The following SRGAP3 variants were observed in gnomAD, a reference collection of about 807,000 sequenced individuals.
SRGAP3 encodes SLIT-ROBO Rho GTPase activating protein 3, also known as SLIT-ROBO Rho GTPase-activating protein 3.
In SRGAP3, 39 loss-of-function variants were observed where a neutral mutation model predicts 121.1. The ratio of observed to expected loss-of-function variants is 0.32; its 90% confidence interval spans 0.25 to 0.42. SRGAP3 has a LOEUF of 0.42. Among genes scored for constraint, SRGAP3 ranks in the 10% least tolerant of loss-of-function variants. SRGAP3 has a pLI of 1.00. For synonymous variants in SRGAP3, 601 were observed against 570.0 expected (o/e 1.05, Z -0.77); for missense variants, 1,213 against 1,470.6 (o/e 0.82, Z 2.86).
chr3:9,031,101 C>T (rs1398923368), intron 12 of SRGAP3, among the ~76,000 whole-genome samples: 1 of 152,162 alleles, frequency 6.6e-6, no homozygotes, highest in African/African-American at 2.4e-5. Context: ...AAGTGTGAGC[C>T]ACTGCGCCTA....
intron 3 of SRGAP3, among the ~76,000 whole-genome samples, chr3:9,295,893 A>C (rs1021608978): frequency 6.6e-6 from 1 of 152,206 alleles, no homozygotes; most frequent in Admixed American, 6.5e-5. Flanking sequence ...AATCATATAC[A>C]TATACCCTTT....
At chr3:9,149,242 AAAG>A (rs1210607504) in intron 1 of SRGAP3, among the ~76,000 whole-genome samples, 1 of 151,836 alleles carries the variant, frequency 6.6e-6, no homozygotes, top group Non-Finnish European at 1.5e-5. Flanking sequence ...GAAAAGAAAA[AAAG>A]AAACCTGAAG....
chr3:9,191,124 G>A (rs142811868), intron 1 of SRGAP3, among the ~76,000 whole-genome samples: 381 of 152,278 alleles, frequency 2.5e-3, no homozygotes, highest in Middle Eastern at 6.8e-3. Flanking sequence ...AGTCTCTGGA[G>A]ACTGGGAGAG....
At chr3:9,223,294 G>T (rs959053228) in intron 1 of SRGAP3, among the ~76,000 whole-genome samples, 8 of 152,140 alleles carry the variant, frequency 5.3e-5, no homozygotes, top group African/African-American at 1.7e-4. Flanking sequence ...TTATCACCTG[G>T]TTTTTACAGG....
chr3:9,052,041 C>A (rs1434630828), intron 9 of SRGAP3, among the ~76,000 whole-genome samples: 1 of 152,182 alleles, frequency 6.6e-6, no homozygotes, highest in Non-Finnish European at 1.5e-5. Flanking sequence ...GTTGGGCATA[C>A]CACTGCTCGG....
At chr3:9,202,077 C>T (rs558700250) in intron 1 of SRGAP3, among the ~76,000 whole-genome samples, 11 of 145,768 alleles carry the variant, frequency 7.5e-5, no homozygotes, top group East Asian at 6.1e-4. Flanking sequence ...GGAAGGGAGG[C>T]GGGGGAAGGG....
chr3:9,190,305 A>G (rs984849333), intron 1 of SRGAP3, among the ~76,000 whole-genome samples: 2 of 152,242 alleles, frequency 1.3e-5, no homozygotes, highest in Non-Finnish European at 2.9e-5. Context: ...CCTAGTTACC[A>G]TGACAGGAAG....
At chr3:9,038,285 G>T (rs1944861286) in intron 10 of SRGAP3, among the ~76,000 whole-genome samples, 195 bp from the exon 11 acceptor site, 1 of 152,134 alleles carries the variant, frequency 6.6e-6, no homozygotes, top group African/African-American at 2.4e-5. Context: ...TGTTTGTAGG[G>T]CTGTGTTCAC....
chr3:9,037,938 G>C (rs1232848038), intron 11 of SRGAP3, 125 bp downstream of exon 11: 2 of 1,300,992 alleles, frequency 1.5e-6, no homozygotes, highest in Non-Finnish European at 2.2e-6. Context: ...CACCCACACC[G>C]GCCCTTGGGG....
intron 1 of SRGAP3, among the ~76,000 whole-genome samples, chr3:9,247,389 C>T (rs1296981923): frequency 6.6e-6 from 1 of 152,190 alleles, no homozygotes; most frequent in East Asian, 1.9e-4. Context: ...TTCTGCTCCT[C>T]TTGCCCTAGG....
intron 3 of SRGAP3, among the ~76,000 whole-genome samples, chr3:9,270,881 C>T (rs4353790): frequency 0.44 from 67,403 of 151,870 alleles, 15,339 homozygotes; most frequent in Admixed American, 0.51. Flanking sequence ...AATGCCTTAC[C>T]TCTGGTACCA....
Position 9,175,385 on chromosome 3 carries a change from C to T in SRGAP3, c.68-50468G>A, listed in dbSNP as rs930274401. 4.6e-5 allele frequency among the ~76,000 whole-genome samples: 7 copies of T among 152,318 alleles called. No homozygotes were observed. In the South Asian group the frequency reaches 1.4e-3, roughly 32 times the overall value. The stretch of plus-strand genomic sequence containing the variant: ...TTGTTTGCCTCTGTATCCCCAATTC[C>T]TAGCACAAGCCAGGGCCACAGAAAG... On this transcript the variant is annotated intron_variant, in intron 1 of 21. Transcript: ENST00000383836.
At chr3:9,206,486 T>C (rs1952270305) in intron 1 of SRGAP3, among the ~76,000 whole-genome samples, 1 of 152,194 alleles carries the variant, frequency 6.6e-6, no homozygotes, top group South Asian at 2.1e-4. Context: ...TCCCCCTGAC[T>C]GTGCCACTGT....
chr3:9,299,508 A>C (rs1004807266), intron 3 of SRGAP3, among the ~76,000 whole-genome samples: 1 of 152,222 alleles, frequency 6.6e-6, no homozygotes, highest in African/African-American at 2.4e-5. Context: ...GCCAACCCAC[A>C]GAATCATGAG....
At chr3:9,195,115 T>A (rs988847446) in intron 1 of SRGAP3, among the ~76,000 whole-genome samples, 1 of 152,120 alleles carries the variant, frequency 6.6e-6, no homozygotes, top group Non-Finnish European at 1.5e-5. Context: ...GAAGGTGGAG[T>A]TGTGGAGAGA....
chr3:9,288,396 C>G (rs1250939438), intron 3 of SRGAP3, among the ~76,000 whole-genome samples: 1 of 152,016 alleles, frequency 6.6e-6, no homozygotes, highest in African/African-American at 2.4e-5. Context: ...CTCAGCCTCC[C>G]AAAGTGCTGG....
intron 1 of SRGAP3, among the ~76,000 whole-genome samples, chr3:9,132,791 A>G (rs1949503112): frequency 6.6e-6 from 1 of 152,096 alleles, no homozygotes; most frequent in African/African-American, 2.4e-5. Context: ...CTTTATTTTT[A>G]TAGCAGTTTT....
intron 3 of SRGAP3, among the ~76,000 whole-genome samples, chr3:9,320,407 C>A (rs1955420122): frequency 6.6e-6 from 1 of 151,886 alleles, no homozygotes; most frequent in South Asian, 2.1e-4. Flanking sequence ...TGGTTTAACA[C>A]TATCCCCTTG....
chr3:9,172,698 C>T (rs1414766798), intron 1 of SRGAP3, among the ~76,000 whole-genome samples: 3 of 152,182 alleles, frequency 2.0e-5, no homozygotes, highest in Non-Finnish European at 4.4e-5. Context: ...AGCTGGGCCT[C>T]TCCTGGGCAC....
Sources: gnomAD v4.1 joint callset for allele counts (sites outside exome capture counted in the v4.1 genomes callset) on GRCh38, gnomAD v4.1.1 for gene constraint, MANE v1.5 for transcripts, NCBI Gene and HGNC (gene_info 2026-07-23, HGNC 2026-07-21) for gene names.